Variants in RIMS1 observed in about 807,000 individuals in gnomAD.
RIMS1 encodes regulating synaptic membrane exocytosis protein 1.
Under a neutral mutation model 214.1 loss-of-function variants are expected in RIMS1, and 83 were observed. That is an observed-to-expected ratio of 0.39 (90% confidence interval 0.32 to 0.47). RIMS1 has a LOEUF of 0.47. Among genes scored for constraint, RIMS1 ranks in the 20% least tolerant of loss-of-function variants. The pLI, the probability that RIMS1 is intolerant of heterozygous loss-of-function variation, is 0.99. For missense variants in RIMS1, 2,050 were observed against 2,161.8 expected, an observed-to-expected ratio of 0.95 and a Z score of 1.03; for synonymous variants, 793 against 786.8, an observed-to-expected ratio of 1.01 and a Z score of -0.13.
chr6:71,977,935 G>A (rs762858104), intron 2 of RIMS1, among the ~76,000 whole-genome samples: 6 of 152,154 alleles, frequency 3.9e-5, no homozygotes, highest in South Asian at 4.1e-4. Context: ...CCAGTGTTGC[G>A]TAGCAAACGG....
At chr6:72,127,050 CT>C (rs2039663559) in intron 4 of RIMS1, among the ~76,000 whole-genome samples, 1 of 152,182 alleles carries the variant, frequency 6.6e-6, no homozygotes, top group Non-Finnish European at 1.5e-5. Flanking sequence ...CTCAAAGCTT[CT>C]CTATATTCAT....
chr6:72,141,762 T>A (rs1417062445), intron 4 of RIMS1, among the ~76,000 whole-genome samples: 1 of 152,038 alleles, frequency 6.6e-6, no homozygotes, highest in East Asian at 1.9e-4. Flanking sequence ...ATTTTTAAAA[T>A]GTGTTTTTCA....
At chr6:72,123,212 C>A (rs1006766926) in intron 4 of RIMS1, among the ~76,000 whole-genome samples, 3 of 151,768 alleles carry the variant, frequency 2.0e-5, no homozygotes, top group Non-Finnish European at 4.4e-5. Flanking sequence ...TTTATTTCTG[C>A]CTTCATTTCG....
chr6:72,147,169 A>G (rs957806913), intron 4 of RIMS1, among the ~76,000 whole-genome samples: 2 of 152,240 alleles, frequency 1.3e-5, no homozygotes, highest in Admixed American at 1.3e-4. Context: ...TTAAAGTCAT[A>G]TGAATTAAAA....
At chr6:71,949,569 A>G (rs1041177562) in intron 1 of RIMS1, among the ~76,000 whole-genome samples, 13 of 152,204 alleles carry the variant, frequency 8.5e-5, no homozygotes, top group African/African-American at 1.4e-4. Context: ...AAGAATAAGT[A>G]TACCCTCTTC....
chr6:71,992,275 A>T (rs772493092), intron 2 of RIMS1, among the ~76,000 whole-genome samples: 2 of 152,072 alleles, frequency 1.3e-5, no homozygotes, highest in Non-Finnish European at 2.9e-5. Context: ...ACTTGCCTCC[A>T]CTGCAGTGGA....
At chr6:72,220,251 A>G (rs895242621) in intron 6 of RIMS1, among the ~76,000 whole-genome samples, 1 of 152,134 alleles carries the variant, frequency 6.6e-6, no homozygotes, top group Non-Finnish European at 1.5e-5. Context: ...AGGGTCACTC[A>G]TTCCTTTAGT....
At chr6:72,077,285 T>C (rs578258187) in intron 2 of RIMS1, among the ~76,000 whole-genome samples, 5 of 152,360 alleles carry the variant, frequency 3.3e-5, no homozygotes, top group African/African-American at 4.8e-5. Context: ...CTACCTGCTA[T>C]TTCTCCATGT....
At chr6:71,910,379 T>C (rs1776520519) in intron 1 of RIMS1, among the ~76,000 whole-genome samples, 2 of 152,162 alleles carry the variant, frequency 1.3e-5, no homozygotes, top group Admixed American at 6.6e-5. Flanking sequence ...GGACTGGACA[T>C]ATTTTAGTCA....
chr6:72,127,599 C>A (rs560929223), intron 4 of RIMS1, among the ~76,000 whole-genome samples: 1 of 152,252 alleles, frequency 6.6e-6, no homozygotes, highest in Admixed American at 6.5e-5. Context: ...GTCATCAATT[C>A]TACACTGGCT....
chr6:72,054,545 A>C (rs1458045147), intron 2 of RIMS1, among the ~76,000 whole-genome samples: 2 of 152,202 alleles, frequency 1.3e-5, no homozygotes, highest in African/African-American at 2.4e-5. Flanking sequence ...TCCCACCGAC[A>C]GTGTACAAGC....
intron 28 of RIMS1, among the ~76,000 whole-genome samples, chr6:72,326,217 C>A (rs920892868): frequency 6.6e-6 from 1 of 151,782 alleles, no homozygotes; most frequent in Non-Finnish European, 1.5e-5. Context: ...TGTTTTTAAG[C>A]TAAGTTTGTC....
At chr6:71,921,165 G>A (rs1420454280) in intron 1 of RIMS1, among the ~76,000 whole-genome samples, 2 of 152,092 alleles carry the variant, frequency 1.3e-5, no homozygotes, top group African/African-American at 4.8e-5. Flanking sequence ...GTCTTGCTCT[G>A]TCACCCAGGC....
At position 72,213,160 on chromosome 6, in the gene RIMS1, G is replaced by A. The variant is rs866791890; in HGVS notation, c.1679-20613G>A. The A allele has an allele frequency of 2.0e-6, 3 of 1,536,894 alleles. No individual in the cohort carries two copies. The African/African-American group carries it at 4.1e-5, about 21-fold the overall frequency. On this transcript the variant is annotated intron_variant, in intron 6 of 33. Transcript: ENST00000521978. The stretch of plus-strand genomic sequence containing the variant: ...GGGATTCATGTCTCTTCAGAAGGGT[G>A]GGAAGAAGTGAGGTCTGTTGATTCC...
chr6:72,069,219 T>A (rs1459548218), intron 2 of RIMS1, among the ~76,000 whole-genome samples: 3 of 152,220 alleles, frequency 2.0e-5, no homozygotes, highest in Non-Finnish European at 2.9e-5. Context: ...CTGATTTTAC[T>A]GCTGTAGGAG....
intron 2 of RIMS1, among the ~76,000 whole-genome samples, chr6:72,049,124 G>T (rs1053724142): frequency 1.3e-5 from 2 of 152,208 alleles, no homozygotes; most frequent in Non-Finnish European, 2.9e-5. Flanking sequence ...ACCAAGATCA[G>T]AATTCAAGTT....
chr6:72,060,238 G>A (rs974986351), intron 2 of RIMS1, among the ~76,000 whole-genome samples: 1 of 152,002 alleles, frequency 6.6e-6, no homozygotes, highest in East Asian at 1.9e-4. Context: ...CAAAGTGCTG[G>A]GATTACAGAC....
At chr6:72,267,761 A>G (rs1042874342) in intron 22 of RIMS1, among the ~76,000 whole-genome samples, 2 of 152,176 alleles carry the variant, frequency 1.3e-5, no homozygotes, top group African/African-American at 4.8e-5. Flanking sequence ...ATAAATCTCC[A>G]TGTTGGCAAA....
intron 29 of RIMS1, among the ~76,000 whole-genome samples, chr6:72,364,041 A>C (rs1303029187): frequency 6.6e-6 from 1 of 152,190 alleles, no homozygotes; most frequent in Non-Finnish European, 1.5e-5. Flanking sequence ...TCTTGAGATG[A>C]GTCACCTGGC....
Sources: gnomAD v4.1 joint callset for allele counts (sites outside exome capture counted in the v4.1 genomes callset) on GRCh38, gnomAD v4.1.1 for gene constraint, MANE v1.5 for transcripts, NCBI Gene and HGNC (gene_info 2026-07-23, HGNC 2026-07-21) for gene names.